Variants in NCKAP1L observed in about 807,000 individuals in gnomAD.
The protein encoded by NCKAP1L is nck-associated protein 1-like.
Under a neutral mutation model 139.2 loss-of-function variants are expected in NCKAP1L, and 53 were observed. That is an observed-to-expected ratio of 0.38 (90% CI 0.31 to 0.48). The LOEUF is 0.48. Ranked by LOEUF, NCKAP1L falls within the 20% of genes least tolerant of loss-of-function variation. NCKAP1L has a pLI of 0.98. For missense variants in NCKAP1L, 1,151 were observed against 1,381.9 expected, an observed-to-expected ratio of 0.83 and a Z score of 2.65; for synonymous variants, 468 against 499.7, an observed-to-expected ratio of 0.94 and a Z score of 0.85.
Position 54,521,212 on chromosome 12 carries a change from G to T in NCKAP1L, c.1852G>T (p.Ala618Ser). 1 of 1,614,078 alleles carries T rather than the reference G, an allele frequency of 6.2e-7. No homozygotes were observed. The highest frequency in any genetic ancestry group is 8.5e-7 in the Non-Finnish European group (1 of 1,180,010). ...CAGCAATTGCGTCCTGGAGATCTGT[G>T]CTGAGCAGCGAAACCTGAGCGAGCA... ...QTSNCVLEIC[A>S]EQRNLSEQLL... is the part of the protein sequence containing the mutation. Residue 618 changes from alanine (A) to serine (S), a missense_variant, in exon 18 of 31, where the codon GCT becomes TCT. Ala to Ser is a moderately conservative substitution (Grantham distance 99). Transcript: ENST00000293373.
chr12:54,520,968 AT>A, intron 17 of NCKAP1L, 142 bp downstream of exon 17: 1 of 1,477,942 alleles, frequency 6.8e-7, no homozygotes, highest in South Asian at 1.2e-5. Flanking sequence ...TCTCAGCTTG[AT>A]GTATCCTGTC....
chr12:54,513,140 A>G (rs1956901686), intron 9 of NCKAP1L, among the ~76,000 whole-genome samples: 1 of 152,230 alleles, frequency 6.6e-6, no homozygotes. Flanking sequence ...GCTGCATGGA[A>G]GAAAAGAAAT....
rs867197350 is a variant in NCKAP1L at position 54,542,642 on chromosome 12, G to A, written c.3341G>A (p.Arg1114Gln). Residue 1114 changes from arginine to glutamine, a missense_variant, in exon 31 of 31, where the codon CGA (arginine) becomes CAA (glutamine). Transcript: ENST00000293373. ...LESCFPYVLL[R>Q]NAYREVSRAF... ...TCCTGTTTCCCTTATGTCCTGCTTCGAAATGCCTATCGGGAGGTGTCTCGG... is the reference window on the plus strand; with the variant it reads ...TCCTGTTTCCCTTATGTCCTGCTTCAAAATGCCTATCGGGAGGTGTCTCGG... 2.5e-6 allele frequency: 4 copies of A among 1,614,090 alleles called. No homozygotes were observed. Among genetic ancestry groups the A allele is most frequent in the African/African-American group, 1.3e-5 (1 of 75,024 alleles).
At chr12:54,528,188 A>G in intron 21 of NCKAP1L, 59 bp from the exon 22 acceptor site, 2 of 1,583,278 alleles carry the variant, frequency 1.3e-6, no homozygotes, top group South Asian at 1.1e-5. Flanking sequence ...AGTAGTAGGG[A>G]ATGCTGGTAG....
chr12:54,528,325 G>T lies in NCKAP1L; in HGVS notation c.2454G>T (p.Leu818=), dbSNP rs1363462352. ...CAGCCATGCAGGCCTTCGTCAGCCT[G>T]CCCAGAGAAGGGGAGCAGAACTTCA... ...LSPAMQAFVS[L]PREGEQNFSA... Residue 818 remains leucine, a synonymous_variant, in exon 22 of 31, where the codon CTG becomes CTT. Transcript: ENST00000293373. 5.6e-6 allele frequency: 9 copies of T among 1,614,004 alleles called. No homozygotes were observed. The highest frequency in any genetic ancestry group is 2.2e-5 in the South Asian group (2 of 91,076).
chr12:54,498,206 G>C (rs1956766076), intron 1 of NCKAP1L, among the ~76,000 whole-genome samples: 1 of 152,094 alleles, frequency 6.6e-6, no homozygotes, highest in Admixed American at 6.5e-5. Flanking sequence ...TAAAGGTCTG[G>C]GGTCCAACCT....
intron 26 of NCKAP1L, 128 bp downstream of exon 26, chr12:54,532,378 GA>G: frequency 1.8e-6 from 1 of 545,278 alleles, no homozygotes; most frequent in Non-Finnish European, 3.1e-6. Flanking sequence ...GTTTGAATAG[GA>G]AAACTGGTCA....
chr12:54,537,011 C>G lies in NCKAP1L; in HGVS notation c.3141C>G (p.Leu1047=), dbSNP rs760493579. The G allele has an allele frequency of 9.3e-6, 15 of 1,613,646 alleles. No individual in the cohort carries two copies. The highest frequency in any genetic ancestry group is 1.3e-5 in the Non-Finnish European group (15 of 1,179,660). Residue 1047 remains leucine, a synonymous_variant, in exon 29 of 31, where the codon CTC becomes CTG. Transcript: ENST00000293373. ...AGGTGTCTGCTGCCCTCTTCACGCTCTACAACAAGAACATTGAAACTCACC... is the reference window on the plus strand; with the variant it reads ...AGGTGTCTGCTGCCCTCTTCACGCTGTACAACAAGAACATTGAAACTCACC... ...IIQVSAALFT[L]YNKNIETHLK... is the part of the protein sequence containing the mutation.
chr12:54,527,014 A>G (rs775955107), intron 21 of NCKAP1L, among the ~76,000 whole-genome samples: 1 of 152,078 alleles, frequency 6.6e-6, no homozygotes, highest in Non-Finnish European at 1.5e-5. Context: ...TCTAGTTCTT[A>G]ACCTTTCTTT....
chr12:54,532,067 A>T, intron 25 of NCKAP1L, 103 bp from the exon 26 acceptor site: 6 of 937,526 alleles, frequency 6.4e-6, no homozygotes, highest in Non-Finnish European at 9.5e-6. Flanking sequence ...CTAGGTTCTT[A>T]TCTAAATTGA....
At chr12:54,520,987 CT>C in intron 17 of NCKAP1L, 131 bp from the exon 18 acceptor site, 1 of 1,501,668 alleles carries the variant, frequency 6.7e-7, no homozygotes, top group South Asian at 1.2e-5. Context: ...GTCTCTGGGC[CT>C]CAGTTTCTTC....
At chr12:54,534,833 C>T (rs1225345001) in intron 26 of NCKAP1L, among the ~76,000 whole-genome samples, 1 of 151,978 alleles carries the variant, frequency 6.6e-6, no homozygotes, top group Non-Finnish European at 1.5e-5. Flanking sequence ...GACAATAAAC[C>T]AGAAGTTTAA....
At chr12:54,500,742 A>G (rs1592334917) in intron 3 of NCKAP1L, 117 bp downstream of exon 3, 7 of 690,398 alleles carry the variant, frequency 1.0e-5, no homozygotes, top group African/African-American at 5.4e-5. Context: ...AGATGTACTA[A>G]TATGGAAGGA....
chr12:54,528,511 AG>A, intron 22 of NCKAP1L, 134 bp downstream of exon 22: 1 of 1,084,858 alleles, frequency 9.2e-7, no homozygotes, highest in East Asian at 2.5e-5. Flanking sequence ...CAAAAACCAC[AG>A]TTACTTTTGC....
At position 54,541,936 on chromosome 12, in the gene NCKAP1L, C is replaced by T. The variant is rs139196187; in HGVS notation, c.3274-639C>T. 2.4e-3 allele frequency among the ~76,000 whole-genome samples: 363 copies of T among 152,108 alleles called. 1 individual carries two copies. Among genetic ancestry groups the T allele is most frequent in the African/African-American group, 8.0e-3 (334 of 41,492 alleles). On this transcript the variant is annotated intron_variant, in intron 30 of 30. Coordinates refer to ENST00000293373, the MANE Select transcript of NCKAP1L (RefSeq NM_005337.5). Reference sequence around the variant, plus strand: ...ATGAACATGCCCTGTCCACCCACCTCCCCCTCTTCACCCTCACCCCCACTC... The same window carrying T: ...ATGAACATGCCCTGTCCACCCACCTTCCCCTCTTCACCCTCACCCCCACTC...
chr12:54,512,475 G>C (rs1404256635), intron 9 of NCKAP1L: 1 of 170,152 alleles, frequency 5.9e-6, no homozygotes, highest in African/African-American at 2.4e-5. Context: ...ACCTCATAGG[G>C]TTGTTGTGAA....
Position 54,528,281 on chromosome 12 carries a change from G to GGGAC in NCKAP1L, c.2411_2414dup (p.Ile806AspfsTer29). 6.2e-7 allele frequency: 1 copy of GGGAC among 1,613,876 alleles called. No individual in the cohort carries two copies. The highest frequency in any genetic ancestry group is 8.5e-7 in the Non-Finnish European group (1 of 1,179,874). ...AAGTCTGCTTAGACAGGCAAGCAGT[G>GGGAC]GGACCATCATCCTCTCCCCAGCCAT... On this transcript the variant is annotated frameshift_variant, in exon 22 of 31. Transcript: ENST00000293373. LOFTEE classifies it high-confidence loss of function.
intron 4 of NCKAP1L, 39 bp from the exon 5 acceptor site, chr12:54,508,350 G>C: frequency 6.2e-7 from 1 of 1,610,444 alleles, no homozygotes; most frequent in Non-Finnish European, 8.5e-7. Context: ...AGGTTAATTG[G>C]CCATGCTGTC....
intron 27 of NCKAP1L, 47 bp from the exon 28 acceptor site, chr12:54,536,082 T>G: frequency 7.2e-7 from 1 of 1,388,056 alleles, no homozygotes; most frequent in Non-Finnish European, 1.0e-6. Context: ...AACTTCTGTT[T>G]GCTGACTTTA....
Sources: allele counts gnomAD v4.1 joint callset (sites outside exome capture counted in the v4.1 genomes callset), GRCh38; gene constraint gnomAD v4.1.1; transcripts MANE v1.5; gene names NCBI Gene and HGNC (gene_info 2026-07-23, HGNC 2026-07-21).